Variants in ARHGAP6 observed in about 807,000 individuals in gnomAD.
ARHGAP6 encodes Rho GTPase activating protein 6, also known as rho GTPase-activating protein 6.
A neutral mutation model predicts 55.7 loss-of-function variants in ARHGAP6; 16 were observed. The observed-to-expected ratio is 0.29, with a 90% confidence interval of 0.19 to 0.44. The LOEUF is 0.44. Ranked by LOEUF, ARHGAP6 falls within the 20% of genes least tolerant of loss-of-function variation. ARHGAP6 has a pLI of 1.00. For missense variants in ARHGAP6, 698 were observed against 808.9 expected (o/e 0.86, Z 1.66); for synonymous variants, 382 against 360.9 (o/e 1.06, Z -0.66).
chrX:11,615,503 G>A (rs1339558460), intron 1 of ARHGAP6, among the ~76,000 whole-genome samples: 2 of 111,505 alleles, frequency 1.8e-5, no homozygotes, highest in African/African-American at 6.5e-5. Context: ...TCAGAGCTGA[G>A]AAGGCCACAG....
At chrX:11,327,982 A>G (rs1008027131) in intron 1 of ARHGAP6, among the ~76,000 whole-genome samples, 1 of 112,079 alleles carries the variant, frequency 8.9e-6, no homozygotes, top group Non-Finnish European at 1.9e-5. Context: ...AAGCATCAAC[A>G]AAGACATTGC....
chrX:11,350,161 G>A (rs957567391), intron 1 of ARHGAP6, among the ~76,000 whole-genome samples: 1 of 111,225 alleles, frequency 9.0e-6, no homozygotes, highest in Admixed American at 9.6e-5. Flanking sequence ...TGAAAACATT[G>A]GACGAGAATG....
chrX:11,258,413 G>C (rs2047518344), intron 1 of ARHGAP6, among the ~76,000 whole-genome samples: 1 of 110,221 alleles, frequency 9.1e-6, no homozygotes, highest in Non-Finnish European at 1.9e-5. Context: ...GGGAATGGCA[G>C]AGGGAATTAT....
At chrX:11,160,419 T>G (rs2045927937) in intron 9 of ARHGAP6, among the ~76,000 whole-genome samples, 1 of 106,258 alleles carries the variant, frequency 9.4e-6, no homozygotes, top group African/African-American at 3.5e-5. Flanking sequence ...ATCATGCCAC[T>G]GCACTCCAGC....
At chrX:11,197,305 T>C (rs183767517) in intron 2 of ARHGAP6, among the ~76,000 whole-genome samples, 50 of 112,316 alleles carry the variant, frequency 4.5e-4, no homozygotes, top group South Asian at 3.0e-3. Flanking sequence ...TCTCTTCCTC[T>C]TCTCTGTGGT....
chrX:11,142,181 T>C (rs898121626), intron 12 of ARHGAP6, 52 bp downstream of exon 12: 2 of 923,723 alleles, frequency 2.2e-6, no homozygotes, highest in East Asian at 3.3e-5. Context: ...AAGAAAACTT[T>C]AGAAAATAAT....
chrX:11,170,371 A>G lies in ARHGAP6; in HGVS notation c.1630-687T>C, dbSNP rs905321278. 2.7e-5 allele frequency among the ~76,000 whole-genome samples: 3 copies of G among 112,119 alleles called. No homozygotes were observed. The Admixed American group carries it at 2.8e-4, about 11-fold the overall frequency. On this transcript the variant is annotated intron_variant, in intron 8 of 12. Coordinates refer to ENST00000337414, the MANE Select transcript of ARHGAP6 (RefSeq NM_013427.3). ...GAGAAAGCACCACACATGCAAAGACAGAAACATCTAAAATACGTCATGGAG... is the reference window on the plus strand; with the variant it reads ...GAGAAAGCACCACACATGCAAAGACGGAAACATCTAAAATACGTCATGGAG...
At chrX:11,352,028 G>A (rs1344695338) in intron 1 of ARHGAP6, among the ~76,000 whole-genome samples, 6 of 112,438 alleles carry the variant, frequency 5.3e-5, no homozygotes, top group African/African-American at 1.9e-4. Context: ...CAAGTAATGT[G>A]TATATTTTAC....
chrX:11,594,471 C>T (rs2051876959), intron 1 of ARHGAP6, among the ~76,000 whole-genome samples: 1 of 111,774 alleles, frequency 8.9e-6, no homozygotes, highest in African/African-American at 3.3e-5. Context: ...TCAGCTCCCC[C>T]ATCACAGACC....
At chrX:11,507,136 T>G (rs943533122) in intron 1 of ARHGAP6, among the ~76,000 whole-genome samples, 2 of 111,939 alleles carry the variant, frequency 1.8e-5, no homozygotes, top group African/African-American at 6.5e-5. Context: ...CCCCTACTGA[T>G]TATTCAGTAG....
chrX:11,521,529 G>A (rs2050926940), intron 1 of ARHGAP6, among the ~76,000 whole-genome samples: 1 of 111,761 alleles, frequency 8.9e-6, no homozygotes, highest in Non-Finnish European at 1.9e-5. Context: ...CTCTGTTTTG[G>A]TATCAGTACC....
chrX:11,224,520 A>C (rs1177796565), intron 2 of ARHGAP6, among the ~76,000 whole-genome samples: 1 of 111,916 alleles, frequency 8.9e-6, no homozygotes, highest in Non-Finnish European at 1.9e-5. Flanking sequence ...AACTGAGGTC[A>C]GTGTCATAGG....
chrX:11,207,651 A>T (rs1362197993), intron 2 of ARHGAP6, among the ~76,000 whole-genome samples: 1 of 112,173 alleles, frequency 8.9e-6, no homozygotes, highest in African/African-American at 3.2e-5. Flanking sequence ...TCATTGAGCA[A>T]CGGGCTGTTT....
At chrX:11,632,468 T>C (rs775632832) in intron 1 of ARHGAP6, among the ~76,000 whole-genome samples, 16 of 112,454 alleles carry the variant, frequency 1.4e-4, no homozygotes, top group Non-Finnish European at 2.4e-4. Flanking sequence ...ACCTTAAACA[T>C]AGCTTAACTA....
intron 1 of ARHGAP6, among the ~76,000 whole-genome samples, chrX:11,535,218 T>C (rs2051090293): frequency 8.9e-6 from 1 of 111,805 alleles, no homozygotes; most frequent in African/African-American, 3.2e-5. Flanking sequence ...CTGCTTCCCA[T>C]GTATCTGTGT....
chrX:11,381,372 T>C (rs1220966775), intron 1 of ARHGAP6, among the ~76,000 whole-genome samples: 1 of 112,501 alleles, frequency 8.9e-6, no homozygotes, highest in Non-Finnish European at 1.9e-5. Context: ...ACACCGAGCA[T>C]ATTTTTATGA....
At chrX:11,510,271 A>T (rs778168183) in intron 1 of ARHGAP6, among the ~76,000 whole-genome samples, 1 of 111,380 alleles carries the variant, frequency 9.0e-6, no homozygotes, top group Non-Finnish European at 1.9e-5. Flanking sequence ...AAATAAGGAG[A>T]TCATTATATT....
chrX:11,602,967 T>C (rs747592646), intron 1 of ARHGAP6, among the ~76,000 whole-genome samples: 18 of 111,941 alleles, frequency 1.6e-4, no homozygotes, highest in African/African-American at 5.8e-4. Flanking sequence ...CATTTAAAAA[T>C]CCCTAAAGAC....
chrX:11,483,601 A>C (rs1425867729), intron 1 of ARHGAP6, among the ~76,000 whole-genome samples: 1 of 110,637 alleles, frequency 9.0e-6, no homozygotes. Context: ...TCAACCCAAG[A>C]GCCCCTTACC....
Sources: allele counts gnomAD v4.1 joint callset (sites outside exome capture counted in the v4.1 genomes callset), GRCh38; gene constraint gnomAD v4.1.1; transcripts MANE v1.5; gene names NCBI Gene and HGNC (gene_info 2026-07-23, HGNC 2026-07-21).